Variants in TMIGD2 observed in about 807,000 individuals in gnomAD.
The protein encoded by TMIGD2 is transmembrane and immunoglobulin domain-containing protein 2.
A neutral mutation model predicts 22.6 loss-of-function variants in TMIGD2; 18 were observed. The observed-to-expected ratio is 0.80, with a 90% CI of 0.55 to 1.18. The LOEUF (loss-of-function observed/expected upper bound fraction) is 1.18, where lower values mean the gene tolerates loss of function less well. Among genes scored for constraint, TMIGD2 ranks in the 50% most tolerant of loss-of-function variants. The probability of loss-of-function intolerance (pLI) is 0.00; values close to 1 mark genes in which losing one functional copy is unlikely to be tolerated. For synonymous variants in TMIGD2, 184 were observed against 154.1 expected, an observed-to-expected ratio of 1.19 and a Z score of -1.44; for missense variants, 361 against 378.2, an observed-to-expected ratio of 0.95 and a Z score of 0.38.
intron 2 of TMIGD2, among the ~76,000 whole-genome samples, chr19:4,295,647 C>T (rs900774718): frequency 2.6e-5 from 4 of 152,024 alleles, no homozygotes; most frequent in Non-Finnish European, 5.9e-5. Context: ...ATCATGAGCC[C>T]CGCCATCTTT....
Position 4,295,419 on chromosome 19 carries a change from C to G in TMIGD2, c.407-603G>C, listed in dbSNP as rs899046536. ...ACTAAAAATACAAAAAATTAGCCGG[C>G]CATGGTGGTGGGCACCTGTAGTCCC... On this transcript the variant is annotated intron_variant, in intron 2 of 4. Coordinates refer to ENST00000301272, the Ensembl canonical transcript of TMIGD2. Among the ~76,000 whole-genome samples the G allele has an allele frequency of 1.3e-4, 20 of 149,796 alleles. No individual in the cohort carries two copies. In the South Asian group the frequency reaches 1.9e-3, roughly 14 times the overall value.
intron 1 of TMIGD2, among the ~76,000 whole-genome samples, chr19:4,301,106 G>A (rs1971530794): frequency 6.6e-6 from 1 of 152,072 alleles, no homozygotes. Context: ...TTGAGTAGCT[G>A]GGACTACAGG....
chr19:4,298,786 C>A (rs1359962872), intron 1 of TMIGD2, among the ~76,000 whole-genome samples: 2 of 152,052 alleles, frequency 1.3e-5, no homozygotes. Flanking sequence ...TCTGTATGAC[C>A]TTTGGAAGGT....
Position 4,298,273 on chromosome 19 carries a change from G to A in TMIGD2, c.119C>T (p.Ala40Val), listed in dbSNP as rs1292163674. The change falls in exon 2 of 5, where the codon GCG (alanine) becomes GTG (valine). Residue 40 changes from alanine (A) to valine (V), a missense_variant. By Grantham distance (64) the Ala-to-Val change is moderately conservative. Coordinates refer to ENST00000301272, the Ensembl canonical transcript of TMIGD2. ...CTGGTCCACCTGGCAGACCAGGGTC[G>A]CCTGACTGCCCTGCCTCACCTGCAG... The A allele has an allele frequency of 2.5e-6, 4 of 1,610,276 alleles. No homozygotes were observed. In the Admixed American group the frequency reaches 5.0e-5, roughly 20 times the overall value.
chr19:4,293,064 C>G (rs1167121993), intron 4 of TMIGD2, among the ~76,000 whole-genome samples, 179 bp from the exon 5 acceptor site: 1 of 151,578 alleles, frequency 6.6e-6, no homozygotes, highest in Admixed American at 6.6e-5. Context: ...CCTGGGTTCA[C>G]GCCATTCTCC....
chr19:4,300,560 TAAAAA>T (rs1971523586), intron 1 of TMIGD2, among the ~76,000 whole-genome samples: 2 of 152,150 alleles, frequency 1.3e-5, no homozygotes, highest in African/African-American at 4.8e-5. Flanking sequence ...TGTCTCAAAA[TAAAAA>T]ACAAAACAAA....
chr19:4,292,990 GTC>G, intron 4 of TMIGD2, 105 bp from the exon 5 acceptor site: 1 of 1,519,270 alleles, frequency 6.6e-7, no homozygotes, highest in Non-Finnish European at 8.8e-7. Flanking sequence ...GTGAGACGGA[GTC>G]TCACTCTGTC....
At chr19:4,300,065 A>C (rs1971515223) in intron 1 of TMIGD2, among the ~76,000 whole-genome samples, 1 of 150,366 alleles carries the variant, frequency 6.7e-6, no homozygotes, top group Non-Finnish European at 1.5e-5. Context: ...GTTCAAGACC[A>C]GCCTGGCCAA....
At chr19:4,292,848 C>T (rs773575090) in exon 5 of TMIGD2, 4 of 1,613,744 alleles carry the variant, frequency 2.5e-6, no homozygotes, top group Non-Finnish European at 3.4e-6. Flanking sequence ...TTGGGGCCCC[C>T]CGGGGCCGGT....
intron 1 of TMIGD2, among the ~76,000 whole-genome samples, chr19:4,301,175 C>T (rs1271997870): frequency 6.6e-6 from 1 of 152,086 alleles, no homozygotes; most frequent in Non-Finnish European, 1.5e-5. Context: ...GTTTCACCAA[C>T]ATGGCCAGGC....
At chr19:4,297,609 T>C (rs149839078) in intron 2 of TMIGD2, among the ~76,000 whole-genome samples, 1,742 of 152,140 alleles carry the variant, frequency 0.011, 43 homozygotes, top group African/African-American at 0.039. Flanking sequence ...GTAATCCCAG[T>C]ACTTTGGGAG....
intron 2 of TMIGD2, among the ~76,000 whole-genome samples, chr19:4,295,062 A>T (rs1333375521): frequency 6.6e-6 from 1 of 151,350 alleles, no homozygotes; most frequent in African/African-American, 2.4e-5. Context: ...GGAGTTCGAG[A>T]CCAGCCTGGC....
intron 2 of TMIGD2, 133 bp from the exon 3 acceptor site, chr19:4,294,949 C>G: frequency 1.1e-6 from 1 of 876,428 alleles, no homozygotes; most frequent in Non-Finnish European, 1.6e-6. Context: ...CACTCTGAAC[C>G]TCTGTTTCTT....
chr19:4,299,873 G>A (rs371836085), intron 1 of TMIGD2, among the ~76,000 whole-genome samples: 8 of 150,600 alleles, frequency 5.3e-5, no homozygotes, highest in African/African-American at 1.7e-4. Context: ...GCAACAGAGC[G>A]AGACTCCATA....
intron 1 of TMIGD2, among the ~76,000 whole-genome samples, chr19:4,300,365 T>TG (rs1971520444): frequency 6.6e-6 from 1 of 151,836 alleles, no homozygotes; most frequent in Admixed American, 6.6e-5. Flanking sequence ...AAGACCATCC[T>TG]GCCCAACATG....
chr19:4,294,512 T>C (rs532722327), intron 4 of TMIGD2, 67 bp downstream of exon 4: 75 of 1,484,128 alleles, frequency 5.1e-5, no homozygotes, highest in Middle Eastern at 4.6e-4. Context: ...ACAGATGCAG[T>C]GGGTCTTTGT....
Position 4,293,256 on chromosome 19 carries a change from C to T in TMIGD2, c.563-371G>A, listed in dbSNP as rs1182578864. Among the ~76,000 whole-genome samples, 23 of 139,792 alleles carry T rather than the reference C, an allele frequency of 1.6e-4. 1 individual carries two copies. Among genetic ancestry groups the T allele is most frequent in the African/African-American group, 4.5e-4 (16 of 35,616 alleles). The allele number at this position is 139,792 out of a possible 152,430, so 91.7% of individuals were successfully genotyped here. On this transcript the variant is annotated intron_variant, in intron 4 of 4. Coordinates refer to ENST00000301272, the Ensembl canonical transcript of TMIGD2. ...GATTACAGGCGTGAGCCACCGCGCCCGGCCTTTTTTTTTTTTTTTTTGAGA... is the reference window on the plus strand; with the variant it reads ...GATTACAGGCGTGAGCCACCGCGCCTGGCCTTTTTTTTTTTTTTTTTGAGA...
In TMIGD2 at chr19:4,292,364, CGG is replaced by C. The variant is rs1971391490; in HGVS notation, c.*233_*234del. 8.0e-6 allele frequency: 4 copies of C among 501,636 alleles called. No individual in the cohort carries two copies. The East Asian group carries it at 1.6e-4, about 20-fold the overall frequency. The allele number at this position is 501,636 out of a possible 1,614,324, so 31.1% of individuals were successfully genotyped here. ...CTCCTGCTTTTTGTTTTTTTTGAGA[CGG>C]AGTCTCACTCTGTCGCCCAGGCTGG... On this transcript the variant is annotated 3_prime_UTR_variant, in exon 5 of 5. Coordinates refer to ENST00000301272, the Ensembl canonical transcript of TMIGD2.
chr19:4,301,264 G>C (rs957379289), intron 1 of TMIGD2, among the ~76,000 whole-genome samples: 5 of 152,174 alleles, frequency 3.3e-5, no homozygotes, highest in African/African-American at 1.2e-4. Flanking sequence ...CCTTGGTTGG[G>C]TGTGGTGGCT....
Sources: gnomAD v4.1 joint callset for allele counts (sites outside exome capture counted in the v4.1 genomes callset) on GRCh38, gnomAD v4.1.1 for gene constraint, MANE v1.5 for transcripts, NCBI Gene and HGNC (gene_info 2026-07-23, HGNC 2026-07-21) for gene names.